The following LGR5 variants were observed in gnomAD, a reference collection of about 807,000 sequenced individuals.
The protein encoded by LGR5 is leucine rich repeat containing G protein-coupled receptor 5.
A neutral mutation model predicts 76.7 loss-of-function variants in LGR5; 54 were observed. The ratio of observed to expected loss-of-function variants is 0.70; its 90% CI spans 0.57 to 0.88. The LOEUF (loss-of-function observed/expected upper bound fraction) is 0.88, where lower values mean the gene tolerates loss of function less well. Among genes scored for constraint, LGR5 ranks in the 40% least tolerant of loss-of-function variants. LGR5 has a pLI of 0.00. For synonymous variants in LGR5, 406 were observed against 421.9 expected (o/e 0.96, Z 0.46); for missense variants, 1,078 against 1,073.3 (o/e 1.00, Z -0.06).
intron 3 of LGR5, among the ~76,000 whole-genome samples, chr12:71,529,481 G>T (rs769644324): frequency 6.6e-6 from 1 of 152,090 alleles, no homozygotes; most frequent in Non-Finnish European, 1.5e-5. Flanking sequence ...TCCCTCCCCC[G>T]ACCTGTGAGG....
At chr12:71,520,912 T>A (rs1050362544) in intron 2 of LGR5, among the ~76,000 whole-genome samples, 3 of 150,558 alleles carry the variant, frequency 2.0e-5, no homozygotes, top group African/African-American at 7.3e-5. Flanking sequence ...GGGAGGAAAA[T>A]TTTAAAAATG....
At chr12:71,463,741 A>G (rs1265851702) in intron 1 of LGR5, among the ~76,000 whole-genome samples, 3 of 152,170 alleles carry the variant, frequency 2.0e-5, no homozygotes, top group Non-Finnish European at 4.4e-5. Flanking sequence ...AAAGATTAGT[A>G]TCTCTGCAAC....
rs142443571 is a variant in LGR5 at position 71,519,703 on chromosome 12, G to A, written c.285-4703G>A. Among the ~76,000 whole-genome samples the A allele has an allele frequency of 8.3e-3, 1,267 of 152,120 alleles. 6 individuals carry two copies. Among genetic ancestry groups the A allele is most frequent in the Non-Finnish European group, 0.013 (898 of 67,980 alleles). ...TAGCCAGGCATGGTGTCATGTGCCT[G>A]TAGTCCCAGCTACTTGTGGGGCTGA... On this transcript the variant is annotated intron_variant, in intron 2 of 17. Coordinates refer to ENST00000266674, the MANE Select transcript of LGR5 (RefSeq NM_003667.4).
intron 6 of LGR5, 25 bp from the exon 7 acceptor site, chr12:71,559,561 G>T: frequency 7.5e-7 from 1 of 1,332,782 alleles, no homozygotes; most frequent in Non-Finnish European, 1.1e-6. Flanking sequence ...ATAAAAAACT[G>T]AAAATACTAT....
chr12:71,532,369 G>A (rs549750615), intron 3 of LGR5, among the ~76,000 whole-genome samples: 1 of 152,306 alleles, frequency 6.6e-6, no homozygotes, highest in East Asian at 1.9e-4. Flanking sequence ...GGTAAGTGAA[G>A]TGTGGGGATC....
intron 3 of LGR5, among the ~76,000 whole-genome samples, chr12:71,533,354 A>C (rs940765976): frequency 4.6e-5 from 7 of 152,146 alleles, no homozygotes; most frequent in Non-Finnish European, 8.8e-5. Flanking sequence ...AAAATAAATA[A>C]ATAAATAATT....
At chr12:71,446,006 G>T (rs1225170820) in intron 1 of LGR5, among the ~76,000 whole-genome samples, 1 of 152,110 alleles carries the variant, frequency 6.6e-6, no homozygotes, top group East Asian at 1.9e-4. Context: ...CTTTCCTTCA[G>T]GGCTTATTCT....
In LGR5 at chr12:71,575,036, A is replaced by G. The variant is rs1028794885; in HGVS notation, c.1208+2115A>G. On this transcript the variant is annotated intron_variant, in intron 13 of 17. Coordinates refer to ENST00000266674, the MANE Select transcript of LGR5 (RefSeq NM_003667.4). ...AGAATTTAAACATGTTCTGAGCACAAGATCAGGGACTGTGAAGTCAGTGTG... is the reference window on the plus strand; with the variant it reads ...AGAATTTAAACATGTTCTGAGCACAGGATCAGGGACTGTGAAGTCAGTGTG... Among the ~76,000 whole-genome samples the G allele has an allele frequency of 3.9e-5, 6 of 152,236 alleles. No homozygotes were observed. The South Asian group carries it at 1.0e-3, about 26-fold the overall frequency.
chr12:71,471,387 T>A (rs1873095778), intron 1 of LGR5, among the ~76,000 whole-genome samples: 1 of 152,194 alleles, frequency 6.6e-6, no homozygotes, highest in South Asian at 2.1e-4. Flanking sequence ...TTGTACAAAA[T>A]GTCCAGAATA....
intron 13 of LGR5, among the ~76,000 whole-genome samples, chr12:71,573,568 TAAC>T (rs1412551585): frequency 6.6e-6 from 1 of 152,222 alleles, no homozygotes; most frequent in Non-Finnish European, 1.5e-5. Flanking sequence ...TTTTATGAAA[TAAC>T]AGTTAAAACT....
At chr12:71,570,040 C>T (rs530381865) in intron 11 of LGR5, among the ~76,000 whole-genome samples, 1 of 152,302 alleles carries the variant, frequency 6.6e-6, no homozygotes, top group Non-Finnish European at 1.5e-5. Context: ...TCATTATTCT[C>T]AGCAAACTAA....
intron 3 of LGR5, among the ~76,000 whole-genome samples, chr12:71,529,751 T>A (rs888583839): frequency 1.3e-5 from 2 of 151,738 alleles, no homozygotes; most frequent in African/African-American, 2.4e-5. Flanking sequence ...AGGTCAGGAG[T>A]TTAAGACCAA....
rs1874494129 is a variant in LGR5 at position 71,499,491 on chromosome 12, G to T, written c.213-5123G>T. 2.0e-5 allele frequency among the ~76,000 whole-genome samples: 3 copies of T among 152,214 alleles called. No individual in the cohort carries two copies. The South Asian group carries it at 6.2e-4, about 32-fold the overall frequency. On this transcript the variant is annotated intron_variant, in intron 1 of 17. Coordinates refer to ENST00000266674, the MANE Select transcript of LGR5 (RefSeq NM_003667.4). The stretch of plus-strand genomic sequence containing the variant: ...GTAACTAGATCACACATTGCATGGA[G>T]GAAAGTGGCATGAGATCAAGATAGA...
intron 13 of LGR5, among the ~76,000 whole-genome samples, chr12:71,573,407 T>C (rs1878704607): frequency 6.6e-6 from 1 of 152,216 alleles, no homozygotes; most frequent in South Asian, 2.1e-4. Context: ...GGAATCTGCA[T>C]TTTAACAAGT....
chr12:71,459,977 C>A (rs1247631399), intron 1 of LGR5, among the ~76,000 whole-genome samples: 1 of 151,858 alleles, frequency 6.6e-6, no homozygotes, highest in Admixed American at 6.6e-5. Context: ...GTAGTAAAGA[C>A]AAGGTAAGGT....
At chr12:71,554,885 A>G (rs1189457602) in intron 5 of LGR5, among the ~76,000 whole-genome samples, 2 of 152,220 alleles carry the variant, frequency 1.3e-5, no homozygotes, top group Admixed American at 1.3e-4. Flanking sequence ...ATGTAGCAGT[A>G]TGACCCCCAC....
At chr12:71,462,353 T>C (rs560143122) in intron 1 of LGR5, among the ~76,000 whole-genome samples, 3 of 152,290 alleles carry the variant, frequency 2.0e-5, no homozygotes, top group African/African-American at 7.2e-5. Context: ...CATTAGCAGA[T>C]TGAAATCCTA....
Position 71,566,622 on chromosome 12 carries a change from C to T in LGR5, c.930-10C>T. ...TTCTACCAGTAATACTTATATACTC[C>T]TCTTTCTAGGACTCTGAATGGTGCC... On this transcript the variant is annotated splice_polypyrimidine_tract_variant and intron_variant, in intron 9 of 17. Transcript: ENST00000266674. 5 of 1,608,648 alleles carry T rather than the reference C, an allele frequency of 3.1e-6. No individual in the cohort carries two copies. Among genetic ancestry groups the T allele is most frequent in the Non-Finnish European group, 4.3e-6 (5 of 1,175,256 alleles).
At chr12:71,479,917 A>G (rs1873513190) in intron 1 of LGR5, among the ~76,000 whole-genome samples, 2 of 152,194 alleles carry the variant, frequency 1.3e-5, no homozygotes, top group African/African-American at 4.8e-5. Context: ...AGGCATTTGC[A>G]TTACATTTAA....
Sources: allele counts gnomAD v4.1 joint callset (sites outside exome capture counted in the v4.1 genomes callset), GRCh38; gene constraint gnomAD v4.1.1; transcripts MANE v1.5; gene names NCBI Gene and HGNC (gene_info 2026-07-23, HGNC 2026-07-21).